The following CRCP variants were observed in gnomAD, a reference collection of about 807,000 sequenced individuals.
CRCP encodes DNA-directed RNA polymerase III subunit RPC9.
CRCP carries 18 observed loss-of-function variants against 18.5 expected under a neutral mutation model. That is an observed-to-expected ratio of 0.97 (90% CI 0.67 to 1.44). The LOEUF is 1.44. Among genes scored for constraint, CRCP ranks in the 40% most tolerant of loss-of-function variants. The pLI, the probability that CRCP is intolerant of heterozygous loss-of-function variation, is 0.00. For missense variants in CRCP, 130 were observed against 176.4 expected (o/e 0.74, Z 1.49); for synonymous variants, 53 against 62.9 (o/e 0.84, Z 0.75).
chr7:66,135,568 C>T (rs944477849), intron 4 of CRCP, among the ~76,000 whole-genome samples: 2 of 151,960 alleles, frequency 1.3e-5, no homozygotes, highest in Admixed American at 6.6e-5. Flanking sequence ...ATGTGCACAA[C>T]GTGCAAGTTT....
chr7:66,151,747 C>A (rs796404392), intron 5 of CRCP, among the ~76,000 whole-genome samples: 13 of 55,416 alleles, frequency 2.3e-4, no homozygotes, highest in East Asian at 9.2e-4. Context: ...TCCTTTTTTT[C>A]TTTTCTTTTT....
chr7:66,139,637 G>T (rs181623074), intron 4 of CRCP, among the ~76,000 whole-genome samples: 3 of 152,346 alleles, frequency 2.0e-5, no homozygotes, highest in African/African-American at 7.2e-5. Context: ...CTTCAAGTCG[G>T]TCTTGCCTTC....
rs1385638745 is a variant in CRCP at position 66,126,513 on chromosome 7, T to A, written c.9-1191T>A. The A allele has an allele frequency of 3.5e-5, 10 of 284,596 alleles. 1 individual carries two copies. The highest frequency in any genetic ancestry group is 6.3e-5 in the Non-Finnish European group (9 of 142,494). 17.6% of individuals were successfully genotyped at this position (284,596 alleles called of 1,614,324 possible). A position where few individuals can be genotyped will look rare whatever the true frequency, so the allele number is the denominator to read the frequency against. ...TACTGTGTGACCTTGAGCAAGTTAC[T>A]TAATTTCTGAGTCTTGTGCTTTATC... On this transcript the variant is annotated intron_variant, in intron 1 of 5. Coordinates refer to ENST00000395326, the MANE Select transcript of CRCP (RefSeq NM_014478.5).
intron 5 of CRCP, among the ~76,000 whole-genome samples, chr7:66,148,084 G>A (rs1204618826): frequency 2.6e-5 from 4 of 152,048 alleles, no homozygotes; most frequent in Non-Finnish European, 5.9e-5. Flanking sequence ...GCAAATGGCT[G>A]GGCACGGTGG....
At chr7:66,124,251 T>C (rs1168623613) in intron 1 of CRCP, among the ~76,000 whole-genome samples, 2 of 149,812 alleles carry the variant, frequency 1.3e-5, no homozygotes, top group Non-Finnish European at 1.5e-5. Flanking sequence ...TCCCAGCTGC[T>C]TGGGAGGCTG....
chr7:66,149,476 G>A (rs904480188), intron 5 of CRCP, among the ~76,000 whole-genome samples: 13 of 152,098 alleles, frequency 8.5e-5, no homozygotes, highest in African/African-American at 2.7e-4. Flanking sequence ...TGATGATTGC[G>A]CCCAAAGAAT....
chr7:66,152,132 A>G (rs1169656232), intron 5 of CRCP, 76 bp from the exon 6 acceptor site: 25 of 1,559,268 alleles, frequency 1.6e-5, no homozygotes, highest in Non-Finnish European at 1.9e-5. Flanking sequence ...GGCTGAGACC[A>G]TGAGCACAGT....
chr7:66,123,253 G>C (rs903676098), intron 1 of CRCP, among the ~76,000 whole-genome samples: 1 of 151,834 alleles, frequency 6.6e-6, no homozygotes. Context: ...TGCGCCTGGC[G>C]TAAAATGAGT....
chr7:66,139,779 C>G (rs1788078842), intron 4 of CRCP, among the ~76,000 whole-genome samples: 1 of 152,222 alleles, frequency 6.6e-6, no homozygotes, highest in African/African-American at 2.4e-5. Context: ...TCCATGCTTG[C>G]TGTTTTGGTG....
At chr7:66,142,834 C>A (rs1213306175) in intron 4 of CRCP, among the ~76,000 whole-genome samples, 1 of 152,060 alleles carries the variant, frequency 6.6e-6, no homozygotes, top group Non-Finnish European at 1.5e-5. Flanking sequence ...TTATGGTGTT[C>A]TGTCCTGGTC....
At chr7:66,134,561 T>TA in intron 4 of CRCP, 187 bp downstream of exon 4, 1 of 428,288 alleles carries the variant, frequency 2.3e-6, no homozygotes. Context: ...TTTTTTTTTT[T>TA]TATAAATGAA....
intron 3 of CRCP, among the ~76,000 whole-genome samples, chr7:66,133,523 G>A (rs1276624497): frequency 1.9e-4 from 28 of 145,960 alleles, no homozygotes; most frequent in Non-Finnish European, 3.4e-4. Context: ...CAGCCTGGGT[G>A]ACAGTGAGAC....
chr7:66,118,376 C>T (rs1171232870), intron 1 of CRCP, among the ~76,000 whole-genome samples: 1 of 152,238 alleles, frequency 6.6e-6, no homozygotes, highest in African/African-American at 2.4e-5. Context: ...CCTTGATTTA[C>T]TTTCCCTCAA....
At chr7:66,118,197 A>C (rs1448578592) in intron 1 of CRCP, among the ~76,000 whole-genome samples, 2 of 151,886 alleles carry the variant, frequency 1.3e-5, no homozygotes, top group Non-Finnish European at 2.9e-5. Flanking sequence ...ACTGGTCTTG[A>C]ATTCCTGACC....
At chr7:66,128,005 C>T (rs374689503) in intron 2 of CRCP, among the ~76,000 whole-genome samples, 3 of 151,488 alleles carry the variant, frequency 2.0e-5, no homozygotes, top group Non-Finnish European at 2.9e-5. Flanking sequence ...CCAGCTACTT[C>T]GGATCCCAGC....
intron 1 of CRCP, chr7:66,120,467 AT>A (rs1308065348): frequency 6.6e-6 from 1 of 152,076 alleles, no homozygotes; most frequent in Non-Finnish European, 1.5e-5. Context: ...TCATGGGAAA[AT>A]GAGGTTTCCT....
intron 2 of CRCP, chr7:66,130,117 T>TC: frequency 3.0e-6 from 1 of 328,682 alleles, no homozygotes; most frequent in Non-Finnish European, 5.7e-6. Flanking sequence ...TTTTTTTTTT[T>TC]TTTTTTCAGA....
At chr7:66,133,209 A>T (rs1257216534) in intron 3 of CRCP, among the ~76,000 whole-genome samples, 3 of 151,992 alleles carry the variant, frequency 2.0e-5, no homozygotes, top group East Asian at 3.9e-4. Flanking sequence ...TGATTTAAAA[A>T]TTTTTCTCAT....
At chr7:66,133,756 T>C (rs1354667648) in intron 3 of CRCP, among the ~76,000 whole-genome samples, 1 of 151,682 alleles carries the variant, frequency 6.6e-6, no homozygotes, top group Non-Finnish European at 1.5e-5. Context: ...ATTCTTCCTC[T>C]TCTAGCTACT....
Sources: allele counts gnomAD v4.1 joint callset (sites outside exome capture counted in the v4.1 genomes callset), GRCh38; gene constraint gnomAD v4.1.1; transcripts MANE v1.5; gene names NCBI Gene and HGNC (gene_info 2026-07-23, HGNC 2026-07-21).